The following GPC4 variants were observed in gnomAD, a reference collection of about 807,000 sequenced individuals.
GPC4 encodes the protein glypican 4.
A neutral mutation model predicts 35.0 loss-of-function variants in GPC4; 10 were observed. The observed-to-expected ratio is 0.29, with a 90% CI of 0.18 to 0.48. The LOEUF (loss-of-function observed/expected upper bound fraction) is 0.48. GPC4 is among the 20% of genes least tolerant of loss of function. GPC4 has a pLI of 0.99. For synonymous variants in GPC4, 167 were observed against 170.2 expected, an observed-to-expected ratio of 0.98 and a Z score of 0.15; for missense variants, 322 against 451.3, an observed-to-expected ratio of 0.71 and a Z score of 2.60.
At chrX:133,307,223 C>T (rs1003859351) in intron 4 of GPC4, among the ~76,000 whole-genome samples, 3 of 111,595 alleles carry the variant, frequency 2.7e-5, no homozygotes, top group African/African-American at 6.5e-5. Context: ...AGCTAGTTCC[C>T]GGAAGATTGT....
rs1870711792 is a variant in GPC4 at position 133,334,602 on chromosome X, T to C, written c.319+4581A>G. ...TAAAAGATTCACAGAATTGGTAGGA[T>C]TGAAAAGGGTTTTAGAGAGCATCTA... is the stretch of plus-strand genomic sequence containing the variant. On this transcript the variant is annotated intron_variant, in intron 2 of 8. Coordinates refer to ENST00000370828, the MANE Select transcript of GPC4 (RefSeq NM_001448.3). Among the ~76,000 whole-genome samples the C allele has an allele frequency of 3.6e-5, 4 of 111,340 alleles. No homozygotes were observed. The Admixed American group carries it at 3.8e-4, about 11-fold the overall frequency.
At chrX:133,382,660 T>C (rs1254923373) in intron 1 of GPC4, among the ~76,000 whole-genome samples, 2 of 110,438 alleles carry the variant, frequency 1.8e-5, no homozygotes, top group Non-Finnish European at 3.8e-5. Flanking sequence ...ACCCAGGAGG[T>C]GGAGCTTGCA....
At chrX:133,412,686 G>GA (rs754870244) in intron 1 of GPC4, among the ~76,000 whole-genome samples, 6 of 111,784 alleles carry the variant, frequency 5.4e-5, no homozygotes, top group Non-Finnish European at 1.1e-4. Flanking sequence ...TGGCATGGGG[G>GA]AATGTCCAGA....
intron 1 of GPC4, among the ~76,000 whole-genome samples, chrX:133,377,718 C>A (rs1391726565): frequency 9.1e-6 from 1 of 110,285 alleles, no homozygotes; most frequent in African/African-American, 3.3e-5. Flanking sequence ...CCCCTTTAAA[C>A]ATGAATCCTG....
chrX:133,346,660 A>G (rs2068492278), intron 1 of GPC4, among the ~76,000 whole-genome samples: 1 of 112,350 alleles, frequency 8.9e-6, no homozygotes, highest in South Asian at 3.7e-4. Context: ...TAATAGCCAA[A>G]TTTCCATCAG....
intron 3 of GPC4, among the ~76,000 whole-genome samples, chrX:133,315,178 C>T (rs1780890732): frequency 9.3e-6 from 1 of 108,026 alleles, no homozygotes; most frequent in Non-Finnish European, 1.9e-5. Flanking sequence ...AAACCGAACA[C>T]CCAAAATCTG....
intron 1 of GPC4, among the ~76,000 whole-genome samples, chrX:133,382,107 T>C (rs1398498794): frequency 8.9e-6 from 1 of 112,005 alleles, no homozygotes; most frequent in Non-Finnish European, 1.9e-5. Context: ...AGTATTAAGA[T>C]CATAAGAAAA....
chrX:133,306,181 T>C, intron 4 of GPC4, 27 bp from the exon 5 acceptor site: 3 of 1,206,917 alleles, frequency 2.5e-6, no homozygotes, highest in Non-Finnish European at 3.4e-6. Context: ...GGAAGAACAA[T>C]ACAGCATAAA....
At chrX:133,340,294 G>T (rs2068461192) in intron 1 of GPC4, among the ~76,000 whole-genome samples, 1 of 110,392 alleles carries the variant, frequency 9.1e-6, no homozygotes, top group South Asian at 3.9e-4. Flanking sequence ...CTCTTATAAT[G>T]ACCACAAGAT....
At position 133,388,102 on chromosome X, in the gene GPC4, T is replaced by C. The variant is rs896383162; in HGVS notation, c.160+26704A>G. ...CACAGATTTGTTGCTAAAGGGACTT[T>C]AGCAATGCTGGCCATAAGGTAGGTG... On this transcript the variant is annotated intron_variant, in intron 1 of 8. Transcript: ENST00000370828. Among the ~76,000 whole-genome samples the C allele has an allele frequency of 4.1e-4, 46 of 111,983 alleles. 1 individual carries two copies. The highest frequency in any genetic ancestry group is 1.3e-3 in the African/African-American group (41 of 30,822).
At chrX:133,414,070 A>T (rs904161801) in intron 1 of GPC4, among the ~76,000 whole-genome samples, 14 of 111,295 alleles carry the variant, frequency 1.3e-4, no homozygotes, top group Non-Finnish European at 2.6e-4. Context: ...ATGAGGTAAG[A>T]AAAAAGAAAG....
At chrX:133,338,327 G>A (rs766707564) in intron 2 of GPC4, among the ~76,000 whole-genome samples, 1 of 111,658 alleles carries the variant, frequency 9.0e-6, no homozygotes, top group South Asian at 3.8e-4. Context: ...TAATTAGAAT[G>A]GCCTTTAAAA....
At chrX:133,306,237 TTTC>T (rs1252059522) in intron 4 of GPC4, 83 bp from the exon 5 acceptor site, 4 of 1,043,512 alleles carry the variant, frequency 3.8e-6, no homozygotes, top group Non-Finnish European at 5.3e-6. Flanking sequence ...CTGATTTTTT[TTTC>T]TGTCTGTTTC....
At position 133,349,178 on chromosome X, in the gene GPC4, G is replaced by A. The variant is rs1260398943; in HGVS notation, c.161-9837C>T. 2.7e-5 allele frequency among the ~76,000 whole-genome samples: 3 copies of A among 112,109 alleles called. No homozygotes were observed. In the Admixed American group the frequency reaches 2.8e-4, roughly 11 times the overall value. On this transcript the variant is annotated intron_variant, in intron 1 of 8. Transcript: ENST00000370828. ...TCATGGTGATTCTCAGAGTAGGGGAGGGCTAGCCGCCAGCACTTTGCCCTT... is the reference window on the plus strand; with the variant it reads ...TCATGGTGATTCTCAGAGTAGGGGAAGGCTAGCCGCCAGCACTTTGCCCTT...
At chrX:133,304,137 C>CAA (rs68145337) in intron 7 of GPC4, among the ~76,000 whole-genome samples, 3,989 of 96,477 alleles carry the variant, frequency 0.041, 95 homozygotes, top group African/African-American at 0.061. Context: ...ACTAAAAATA[C>CAA]AAAAAAAAAA....
intron 1 of GPC4, among the ~76,000 whole-genome samples, chrX:133,410,314 CCT>C (rs1490760799): frequency 8.9e-6 from 1 of 112,214 alleles, no homozygotes; most frequent in African/African-American, 3.2e-5. Flanking sequence ...TCAAATCCCA[CCT>C]CTGTTATTCA....
At chrX:133,354,584 C>T (rs1471790983) in intron 1 of GPC4, among the ~76,000 whole-genome samples, 2 of 74,590 alleles carry the variant, frequency 2.7e-5, no homozygotes. Flanking sequence ...TTTTTTGAGA[C>T]GGAGTCTCGC....
chrX:133,402,922 A>G (rs1189270171), intron 1 of GPC4, among the ~76,000 whole-genome samples: 2 of 108,586 alleles, frequency 1.8e-5, no homozygotes, highest in Non-Finnish European at 3.8e-5. Context: ...AAAAAAAAAA[A>G]AAAAAGAAAG....
chrX:133,367,556 G>A (rs1243713123), intron 1 of GPC4, among the ~76,000 whole-genome samples: 1 of 112,340 alleles, frequency 8.9e-6, no homozygotes, highest in African/African-American at 3.2e-5. Flanking sequence ...ATGGGAGAGT[G>A]AAAGAAGGTG....
Sources: gnomAD v4.1 joint callset for allele counts (sites outside exome capture counted in the v4.1 genomes callset) on GRCh38, gnomAD v4.1.1 for gene constraint, MANE v1.5 for transcripts, NCBI Gene and HGNC (gene_info 2026-07-23, HGNC 2026-07-21) for gene names.